Variants in PIEZO2 observed in about 807,000 individuals in gnomAD.
The protein encoded by PIEZO2 is piezo type mechanosensitive ion channel component 2.
A neutral mutation model predicts 337.3 loss-of-function variants in PIEZO2; 172 were observed. The ratio of observed to expected loss-of-function variants is 0.51; its 90% confidence interval spans 0.45 to 0.58. The LOEUF (loss-of-function observed/expected upper bound fraction) is 0.58. Ranked by LOEUF, PIEZO2 falls within the 20% of genes least tolerant of loss-of-function variation. The pLI is 0.00. For synonymous variants in PIEZO2, 1,251 were observed against 1,228.5 expected (o/e 1.02, Z -0.38); for missense variants, 3,028 against 3,391.3 (o/e 0.89, Z 2.66).
chr18:10,771,359 T>C (rs926200525), intron 20 of PIEZO2, among the ~76,000 whole-genome samples: 1 of 152,264 alleles, frequency 6.6e-6, no homozygotes, highest in African/African-American at 2.4e-5. Flanking sequence ...ATCAAATTAC[T>C]TATTTTATTA....
rs1039353978 is a variant in PIEZO2, at chr18:10,763,136, T to G, written c.2947-38A>C. ...AACCAGAAATGGGGACAAAAATACG[T>G]AACACGGCATAACAAACAGGACAGC... On this transcript the variant is annotated intron_variant, in intron 21 of 55. Transcript: ENST00000674853. 5.3e-6 allele frequency: 8 copies of G among 1,513,674 alleles called. No homozygotes were observed. The African/African-American group carries it at 1.1e-4, about 21-fold the overall frequency. The allele number at this position is 1,513,674 out of a possible 1,614,324, so 93.8% of individuals were successfully genotyped here.
chr18:10,858,005 C>CTTT lies in PIEZO2; in HGVS notation c.493-797_493-795dup, dbSNP rs113821994. 3.5e-3 allele frequency among the ~76,000 whole-genome samples: 489 copies of CTTT among 138,942 alleles called. 4 individuals carry two copies. Among genetic ancestry groups the CTTT allele is most frequent in the African/African-American group, 0.013 (470 of 37,392 alleles). The allele number at this position is 138,942 out of a possible 152,430, so 91.2% of individuals were successfully genotyped here. A position where few individuals can be genotyped will look rare whatever the true frequency, so the allele number is the denominator to read the frequency against. On this transcript the variant is annotated intron_variant, in intron 5 of 55. Transcript: ENST00000674853. ...CTTTTTCTTTTTTCTTTCTTTCTTT[C>CTTT]TTTTTTTTTTTTTTTAAAGAAATCA...
In PIEZO2 at chr18:10,988,690, T is replaced by G. The variant is rs571965658; in HGVS notation, c.161-9030A>C. Among the ~76,000 whole-genome samples the G allele has an allele frequency of 6.6e-6, 1 of 152,290 alleles. No individual in the cohort carries two copies. The highest frequency in any genetic ancestry group is 2.4e-5 in the African/African-American group (1 of 41,558). ...ATATGGAAACATCCTAAATGTCCAC[T>G]GAAGGAATATTGGATAAGGAAATTG... On this transcript the variant is annotated intron_variant, in intron 2 of 55. Transcript: ENST00000674853. The surrounding 1 kb of genome is among the most constrained non-coding windows in gnomAD (Gnocchi z 4.8).
At chr18:10,774,967 CAACTTGTTGATTT>C (rs1483411816) in intron 18 of PIEZO2, among the ~76,000 whole-genome samples, 1 of 152,142 alleles carries the variant, frequency 6.6e-6, no homozygotes, top group Non-Finnish European at 1.5e-5. Context: ...GGTTTACTTT[CAACTTGTTGATTT>C]GATATTTGTA....
rs10709952 is a variant in PIEZO2 at position 10,844,788 on chromosome 18, C to CAAA, written c.917+10562_917+10564dup. On this transcript the variant is annotated intron_variant, in intron 7 of 55. Coordinates refer to ENST00000674853, the MANE Select transcript of PIEZO2 (RefSeq NM_001378183.1). ...TGGGCGACAGAGGGAGACTCTGTCTCAAAAAAAAAAAAAAAAAGTACCTAC... is the reference window on the plus strand; with the variant it reads ...TGGGCGACAGAGGGAGACTCTGTCTCAAAAAAAAAAAAAAAAAAAAGTACCTAC... Among the ~76,000 whole-genome samples the CAAA allele has an allele frequency of 1.2e-3, 141 of 116,660 alleles. 1 individual carries two copies. Among genetic ancestry groups the CAAA allele is most frequent in the Middle Eastern group, 9.3e-3 (2 of 214 alleles). 76.5% of individuals were successfully genotyped at this position (116,660 alleles called of 152,430 possible). A position where few individuals can be genotyped will look rare whatever the true frequency, so the allele number is the denominator to read the frequency against.
Position 10,828,796 on chromosome 18 carries a change from T to C in PIEZO2, c.918-21522A>G, listed in dbSNP as rs2040755303. 6.6e-6 allele frequency among the ~76,000 whole-genome samples: 1 copy of C among 152,170 alleles called. No homozygotes were observed. The highest frequency in any genetic ancestry group is 2.1e-4 in the South Asian group (1 of 4,830). ...ATGCCCAGAGCTCCATCTCACCCCA[T>C]CACTTCCAAGCTGCTGCATCCTCAG... On this transcript the variant is annotated intron_variant, in intron 7 of 55. Transcript: ENST00000674853. This position sits in a 1 kb window ranked among gnomAD's most constrained non-coding sequence, Gnocchi z 4.1.
chr18:10,849,407 C>T (rs2041467738), intron 7 of PIEZO2, among the ~76,000 whole-genome samples: 1 of 136,302 alleles, frequency 7.3e-6, no homozygotes, highest in African/African-American at 3.1e-5. Flanking sequence ...TAACTGAAAG[C>T]ACCACCAAGT....
chr18:10,936,520 A>T (rs2032409253), intron 3 of PIEZO2, among the ~76,000 whole-genome samples: 1 of 152,128 alleles, frequency 6.6e-6, no homozygotes, highest in Admixed American at 6.6e-5. Context: ...CGATGCGAAA[A>T]TGTTGCCTAC....
At position 10,899,025 on chromosome 18, in the gene PIEZO2, T is replaced by A. The variant is rs748023136; in HGVS notation, c.329+12161A>T. Among the ~76,000 whole-genome samples the A allele has an allele frequency of 6.6e-6, 1 of 152,184 alleles. No individual in the cohort carries two copies. The highest frequency in any genetic ancestry group is 2.4e-5 in the African/African-American group (1 of 41,442). Reference sequence around the variant, plus strand: ...GGAGGCAGAGAATACAACATGTATTTAGGCAGCTTCACATCCAGGCAACGG... The same window carrying A: ...GGAGGCAGAGAATACAACATGTATTAAGGCAGCTTCACATCCAGGCAACGG... On this transcript the variant is annotated intron_variant, in intron 4 of 55. Transcript: ENST00000674853. The surrounding 1 kb of genome is among the most constrained non-coding windows in gnomAD (Gnocchi z 4.6).
At position 10,716,888 on chromosome 18, in the gene PIEZO2, G is replaced by A. The variant is rs1382599166; in HGVS notation, c.5090-1072C>T. On this transcript the variant is annotated intron_variant, in intron 37 of 55. Coordinates refer to ENST00000674853, the MANE Select transcript of PIEZO2 (RefSeq NM_001378183.1). The surrounding 1 kb of genome is among the most constrained non-coding windows in gnomAD (Gnocchi z 4.1). ...TGATGAAGGTGAACATTATTACGGCGTGGTTTTGCTACAGTGGGCCTGATT... is the reference window on the plus strand; with the variant it reads ...TGATGAAGGTGAACATTATTACGGCATGGTTTTGCTACAGTGGGCCTGATT... 2.6e-5 allele frequency among the ~76,000 whole-genome samples: 4 copies of A among 152,252 alleles called. No homozygotes were observed. Among genetic ancestry groups the A allele is most frequent in the Non-Finnish European group, 4.4e-5 (3 of 68,008 alleles).
At chr18:10,897,135 G>A (rs372505815) in intron 4 of PIEZO2, among the ~76,000 whole-genome samples, 5 of 152,174 alleles carry the variant, frequency 3.3e-5, no homozygotes, top group African/African-American at 1.2e-4. Flanking sequence ...TGAATCCTGG[G>A]CTTGGTTTCC....
intron 4 of PIEZO2, among the ~76,000 whole-genome samples, chr18:10,893,171 G>A (rs1369390515): frequency 1.3e-5 from 2 of 152,076 alleles, no homozygotes; most frequent in Non-Finnish European, 2.9e-5. Context: ...TTGAATTATG[G>A]CTAGGTTAAT....
chr18:11,024,084 A>G (rs1402270514), intron 2 of PIEZO2, among the ~76,000 whole-genome samples: 1 of 152,198 alleles, frequency 6.6e-6, no homozygotes, highest in African/African-American at 2.4e-5. Context: ...CAGCCCAGAA[A>G]GGGGCTCCCA....
At position 10,746,408 on chromosome 18, in the gene PIEZO2, T is replaced by C. The variant is rs1309736121; in HGVS notation, c.4424+2063A>G. ...TGGCTACTTCCCTCCGTAGTTTCAC[T>C]GGGCTGCTTCCCCTGCCTTCTCCTC... On this transcript the variant is annotated intron_variant, in intron 30 of 55. Coordinates refer to ENST00000674853, the MANE Select transcript of PIEZO2 (RefSeq NM_001378183.1). This position sits in a 1 kb window ranked among gnomAD's most constrained non-coding sequence, Gnocchi z 4.2. 1.3e-5 allele frequency among the ~76,000 whole-genome samples: 2 copies of C among 152,226 alleles called. No homozygotes were observed. Among genetic ancestry groups the C allele is most frequent in the East Asian group, 3.9e-4 (2 of 5,194 alleles).
At chr18:10,858,209 T>C (rs551414578) in intron 5 of PIEZO2, among the ~76,000 whole-genome samples, 7 of 149,480 alleles carry the variant, frequency 4.7e-5, no homozygotes, top group African/African-American at 1.7e-4. Flanking sequence ...TAGTCCTAGC[T>C]ACTCAGGAGG....
Position 10,783,249 on chromosome 18 carries a change from A to C in PIEZO2, c.2492+1535T>G, listed in dbSNP as rs2039096357. On this transcript the variant is annotated intron_variant, in intron 17 of 55. Transcript: ENST00000674853. The surrounding 1 kb of genome is among the most constrained non-coding windows in gnomAD (Gnocchi z 4.3). ...AACTAAAATACTTTGTAATTATTGAATAGGGCCCTTGAAAAGAATGGTGAG... is the reference window on the plus strand; with the variant it reads ...AACTAAAATACTTTGTAATTATTGACTAGGGCCCTTGAAAAGAATGGTGAG... Among the ~76,000 whole-genome samples, 3 of 152,348 alleles carry C rather than the reference A, an allele frequency of 2.0e-5. No homozygotes were observed. The highest frequency in any genetic ancestry group is 7.2e-5 in the African/African-American group (3 of 41,594).
chr18:10,738,433 G>T (rs77463746), intron 33 of PIEZO2: 1 of 152,036 alleles, frequency 6.6e-6, no homozygotes, highest in African/African-American at 2.4e-5. Flanking sequence ...TTTACCATTA[G>T]AAACCACCAA....
Position 10,774,076 on chromosome 18 carries a change from G to A in PIEZO2, c.2535-38C>T, listed in dbSNP as rs115998358. 1.7e-4 allele frequency: 121 copies of A among 702,390 alleles called. No homozygotes were observed. In the African/African-American group the frequency reaches 1.8e-3, roughly 10 times the overall value. The allele number at this position is 702,390 out of a possible 1,614,324, so 43.5% of individuals were successfully genotyped here. On this transcript the variant is annotated intron_variant, in intron 18 of 55. Transcript: ENST00000674853. ...ATTGAAATAGAAAGGAAAAAAAGGAGATGAGAACAGAAGAATTATAAGGAA... is the reference window on the plus strand; with the variant it reads ...ATTGAAATAGAAAGGAAAAAAAGGAAATGAGAACAGAAGAATTATAAGGAA...
At chr18:11,093,528 T>A (rs1011201788) in intron 1 of PIEZO2, among the ~76,000 whole-genome samples, 6 of 150,962 alleles carry the variant, frequency 4.0e-5, no homozygotes, top group Non-Finnish European at 7.4e-5. Flanking sequence ...AATTTTGACG[T>A]GTCGAAAGAC....
Sources: allele counts gnomAD v4.1 joint callset (sites outside exome capture counted in the v4.1 genomes callset), GRCh38; gene constraint gnomAD v4.1.1; non-coding constraint Gnocchi (gnomAD v3.1); transcripts MANE v1.5; gene names NCBI Gene and HGNC (gene_info 2026-07-23, HGNC 2026-07-21).